FSTL5: variants seen among roughly 807,000 people sequenced by gnomAD.
FSTL5 encodes follistatin-related protein 5.
FSTL5 carries 62 observed loss-of-function variants against 89.1 expected under a neutral mutation model. The observed-to-expected ratio is 0.70, with a 90% confidence interval of 0.57 to 0.86. The LOEUF is 0.86. Ranked by LOEUF, FSTL5 falls within the 40% of genes least tolerant of loss-of-function variation. The pLI is 0.00. For synonymous variants in FSTL5, 383 were observed against 346.2 expected, an observed-to-expected ratio of 1.11 and a Z score of -1.18; for missense variants, 1,057 against 1,001.6, an observed-to-expected ratio of 1.06 and a Z score of -0.75.
chr4:162,020,265 A>G (rs1737033811), intron 3 of FSTL5, among the ~76,000 whole-genome samples: 1 of 152,030 alleles, frequency 6.6e-6, no homozygotes, highest in South Asian at 2.1e-4. Context: ...AAATTTAAAT[A>G]CTTAAGTTGT....
Position 161,658,680 on chromosome 4 carries a change from A to T in FSTL5, c.728-2186T>A, listed in dbSNP as rs186545637. Among the ~76,000 whole-genome samples, 615 of 152,324 alleles carry T rather than the reference A, an allele frequency of 4.0e-3. 2 individuals carry two copies. The highest frequency in any genetic ancestry group is 0.01 in the Middle Eastern group (3 of 294). On this transcript the variant is annotated intron_variant, in intron 6 of 15. Transcript: ENST00000306100. ...TTAATTCGAAACACTAAAAGTTGAA[A>T]TCTGCATACACAGTGTTCATGTCTT...
chr4:162,048,012 T>C (rs1437218064), intron 2 of FSTL5, among the ~76,000 whole-genome samples: 2 of 152,102 alleles, frequency 1.3e-5, no homozygotes, highest in Admixed American at 1.3e-4. Context: ...TGGAGCATTA[T>C]GTTTACAATT....
At position 162,033,617 on chromosome 4, in the gene FSTL5, T is replaced by C; in HGVS notation, c.160+8A>G. ...TATAATTGTTATCTTAAAGCAATCA[T>C]TTCTTACCTTTGACTCTTGAACTTT... On this transcript the variant is annotated splice_region_variant and intron_variant, in intron 3 of 15. Coordinates refer to ENST00000306100, the MANE Select transcript of FSTL5 (RefSeq NM_020116.5). 6.9e-7 allele frequency: 1 copy of C among 1,457,238 alleles called. No individual in the cohort carries two copies. The highest frequency in any genetic ancestry group is 9.4e-7 in the Non-Finnish European group (1 of 1,061,478). The allele number at this position is 1,457,238 out of a possible 1,614,324, so 90.3% of individuals were successfully genotyped here. A position where few individuals can be genotyped will look rare whatever the true frequency, so the allele number is the denominator to read the frequency against.
intron 8 of FSTL5, among the ~76,000 whole-genome samples, chr4:161,551,478 A>C (rs1483031272): frequency 1.3e-5 from 2 of 151,694 alleles, no homozygotes; most frequent in African/African-American, 4.8e-5. Context: ...TAGATTCTGG[A>C]TATTAGCCCT....
intron 4 of FSTL5, among the ~76,000 whole-genome samples, chr4:161,836,115 T>C (rs997275863): frequency 3.1e-4 from 47 of 152,006 alleles, no homozygotes; most frequent in African/African-American, 1.1e-3. Context: ...CATGGAATAC[T>C]ATGCAGCCAT....
chr4:162,084,322 A>C (rs1391334748), intron 2 of FSTL5, among the ~76,000 whole-genome samples: 1 of 152,022 alleles, frequency 6.6e-6, no homozygotes, highest in Admixed American at 6.6e-5. Flanking sequence ...TTTATGATTA[A>C]ATAGGATTTT....
intron 15 of FSTL5, among the ~76,000 whole-genome samples, chr4:161,396,487 CAAA>C (rs539749954): frequency 3.7e-5 from 4 of 106,786 alleles, no homozygotes; most frequent in South Asian, 3.0e-4. Flanking sequence ...ACTAAAAATA[CAAA>C]AAAAAAAAAA....
chr4:161,432,736 A>T (rs1732422468), intron 15 of FSTL5, among the ~76,000 whole-genome samples: 1 of 151,948 alleles, frequency 6.6e-6, no homozygotes, highest in Non-Finnish European at 1.5e-5. Context: ...CAGAGATTTA[A>T]AAAACAGCAG....
intron 4 of FSTL5, among the ~76,000 whole-genome samples, chr4:161,791,206 GAA>G (rs11311543): frequency 9.5e-4 from 141 of 148,680 alleles, no homozygotes; most frequent in South Asian, 4.6e-3. Context: ...CACCATAGAA[GAA>G]AAAAAAAAAT....
chr4:161,945,543 G>A (rs1734710591), intron 3 of FSTL5, among the ~76,000 whole-genome samples: 1 of 152,168 alleles, frequency 6.6e-6, no homozygotes, highest in South Asian at 2.1e-4. Flanking sequence ...CACGAGGTCA[G>A]GAGTTCGACA....
intron 7 of FSTL5, among the ~76,000 whole-genome samples, chr4:161,651,592 A>G (rs1736346261): frequency 6.6e-6 from 1 of 152,198 alleles, no homozygotes; most frequent in Non-Finnish European, 1.5e-5. Flanking sequence ...CGTTTCATAG[A>G]AAACTTACAA....
chr4:162,112,704 C>T (rs147332995), intron 1 of FSTL5, among the ~76,000 whole-genome samples: 67 of 152,050 alleles, frequency 4.4e-4, no homozygotes, highest in Non-Finnish European at 5.1e-4. Context: ...CCCTAGTTCA[C>T]TCAGTCACGC....
chr4:161,687,154 T>C (rs1737775575), intron 6 of FSTL5, among the ~76,000 whole-genome samples: 1 of 152,178 alleles, frequency 6.6e-6, no homozygotes, highest in Admixed American at 6.5e-5. Context: ...AACGGTTAAA[T>C]GGTTAAATAT....
intron 3 of FSTL5, among the ~76,000 whole-genome samples, chr4:162,025,349 A>AT (rs893237570): frequency 2.6e-5 from 4 of 152,130 alleles, no homozygotes; most frequent in Admixed American, 2.6e-4. Flanking sequence ...TTAAAACATG[A>AT]TTTTTTTGCA....
At chr4:161,481,699 T>C (rs968315819) in intron 12 of FSTL5, among the ~76,000 whole-genome samples, 4 of 152,190 alleles carry the variant, frequency 2.6e-5, no homozygotes, top group African/African-American at 9.7e-5. Flanking sequence ...GTTATTTTAT[T>C]TTTCAATCAA....
At chr4:161,978,798 T>A (rs1735736247) in intron 3 of FSTL5, among the ~76,000 whole-genome samples, 1 of 152,134 alleles carries the variant, frequency 6.6e-6, no homozygotes, top group Non-Finnish European at 1.5e-5. Flanking sequence ...TGTTATCTCA[T>A]AATTAAATTT....
intron 2 of FSTL5, among the ~76,000 whole-genome samples, chr4:162,101,618 A>G (rs1312904289): frequency 6.6e-6 from 1 of 152,218 alleles, no homozygotes; most frequent in Non-Finnish European, 1.5e-5. Context: ...TATTTCTACT[A>G]TTTTATAAAA....
intron 5 of FSTL5, among the ~76,000 whole-genome samples, chr4:161,771,803 G>A (rs1347393953): frequency 6.6e-6 from 1 of 152,160 alleles, no homozygotes; most frequent in African/African-American, 2.4e-5. Flanking sequence ...GCTCACGCCT[G>A]TGATCCTCAC....
At chr4:162,116,608 G>GTTGGGGA in intron 1 of FSTL5, among the ~76,000 whole-genome samples, 1 of 152,270 alleles carries the variant, frequency 6.6e-6, no homozygotes, top group Non-Finnish European at 1.5e-5. Flanking sequence ...CAGGAATAAG[G>GTTGGGGA]GGCTTTTGTT....
Sources: gnomAD v4.1 joint callset for allele counts (sites outside exome capture counted in the v4.1 genomes callset) on GRCh38, gnomAD v4.1.1 for gene constraint, MANE v1.5 for transcripts, NCBI Gene and HGNC (gene_info 2026-07-23, HGNC 2026-07-21) for gene names.